The following RBM17 variants were observed in gnomAD, a reference collection of about 807,000 sequenced individuals.
RBM17 encodes RNA binding motif protein 17.
In RBM17, 7 loss-of-function variants were observed where a neutral mutation model predicts 53.2. That is an observed-to-expected ratio of 0.13 (90% CI 0.07 to 0.25). The LOEUF is 0.25. Ranked by LOEUF, RBM17 falls within the 10% of genes least tolerant of loss-of-function variation. RBM17 has a pLI of 1.00. For missense variants in RBM17, 257 were observed against 496.7 expected (o/e 0.52, Z 4.59); for synonymous variants, 167 against 178.1 (o/e 0.94, Z 0.50).
chr10:6,110,444 T>C (rs1840820648), intron 7 of RBM17, among the ~76,000 whole-genome samples: 1 of 152,248 alleles, frequency 6.6e-6, no homozygotes, highest in Non-Finnish European at 1.5e-5. Flanking sequence ...GAATCAGAGC[T>C]GACTTACTGT....
intron 5 of RBM17, among the ~76,000 whole-genome samples, chr10:6,106,853 A>G (rs1840756320): frequency 1.3e-5 from 2 of 152,180 alleles, no homozygotes; most frequent in Non-Finnish European, 2.9e-5. Context: ...AGCTCATGAT[A>G]GGGAGGTAGT....
intron 6 of RBM17, among the ~76,000 whole-genome samples, chr10:6,109,638 C>T (rs1057143420): frequency 2.0e-5 from 3 of 152,140 alleles, no homozygotes; most frequent in Non-Finnish European, 2.9e-5. Flanking sequence ...CTGCAGGAGT[C>T]AAAAGATGGC....
intron 2 of RBM17, among the ~76,000 whole-genome samples, chr10:6,100,179 T>A (rs1840650505): frequency 6.6e-6 from 1 of 152,268 alleles, no homozygotes; most frequent in African/African-American, 2.4e-5. Context: ...TATTGTTATA[T>A]TCAAGAGAGA....
chr10:6,099,150 A>C (rs1840630846), intron 2 of RBM17, among the ~76,000 whole-genome samples: 1 of 150,890 alleles, frequency 6.6e-6, no homozygotes, highest in South Asian at 2.1e-4. Flanking sequence ...TTTGCTTTGC[A>C]GGGAAGATGC....
chr10:6,096,905 A>T, intron 1 of RBM17, 143 bp from the exon 2 acceptor site: 1 of 606,924 alleles, frequency 1.6e-6, no homozygotes, highest in Non-Finnish European at 2.9e-6. Context: ...GAATAGCCCT[A>T]CATTAATGGT....
chr10:6,095,156 G>T, intron 1 of RBM17, among the ~76,000 whole-genome samples: 1 of 152,092 alleles, frequency 6.6e-6, no homozygotes, highest in East Asian at 1.9e-4. Flanking sequence ...GGTCAGTTTT[G>T]CACTGAAGAC....
At chr10:6,095,869 GAAGT>G (rs910997394) in intron 1 of RBM17, among the ~76,000 whole-genome samples, 17 of 152,152 alleles carry the variant, frequency 1.1e-4, no homozygotes, top group Non-Finnish European at 1.8e-4. Context: ...GGGGAGCTGA[GAAGT>G]AAGAGTACCT....
At chr10:6,109,219 G>C (rs561506050) in intron 6 of RBM17, among the ~76,000 whole-genome samples, 1 of 151,972 alleles carries the variant, frequency 6.6e-6, no homozygotes, top group Non-Finnish European at 1.5e-5. Flanking sequence ...GTTCCTTCTC[G>C]CAGTGATCTG....
Position 6,112,726 on chromosome 10 carries a change from T to C in RBM17, c.856+365T>C. 6.5e-6 allele frequency: 2 copies of C among 306,742 alleles called. No individual in the cohort carries two copies. The highest frequency in any genetic ancestry group is 6.3e-5 in the South Asian group (2 of 31,932). 19.0% of individuals were successfully genotyped at this position (306,742 alleles called of 1,614,324 possible). On this transcript the variant is annotated intron_variant, in intron 8 of 11. Transcript: ENST00000379888. The surrounding 1 kb of genome is among the most constrained non-coding windows in gnomAD (Gnocchi z 4.4). ...CAGAGCCATATAGTGTGGCAGTGAA[T>C]ATACCTGCTATCTCCATCTCAGAGG...
intron 3 of RBM17, 118 bp downstream of exon 3, chr10:6,101,505 A>G (rs1053571510): frequency 4.3e-6 from 2 of 467,570 alleles, no homozygotes; most frequent in African/African-American, 4.0e-5. Flanking sequence ...CCAAGTTAGT[A>G]TCATTTTCCA....
At chr10:6,097,250 C>T in intron 2 of RBM17, 62 bp downstream of exon 2, 1 of 1,561,126 alleles carries the variant, frequency 6.4e-7, no homozygotes, top group Non-Finnish European at 8.7e-7. Flanking sequence ...ATTAGGATGA[C>T]AAGGAATTTG....
rs143035403 is a variant in RBM17, at chr10:6,091,999, T to A, written c.-19+2806T>A. On this transcript the variant is annotated intron_variant, in intron 1 of 11. Transcript: ENST00000379888. ...ATGTTTTAAAAAAATACTTTCCAGC[T>A]TGGGTGGAATCTTGAAAACTCACCA... 2.4e-4 allele frequency among the ~76,000 whole-genome samples: 37 copies of A among 152,304 alleles called. No individual in the cohort carries two copies. In the East Asian group the frequency reaches 5.0e-3, roughly 21 times the overall value.
chr10:6,101,196 G>T, intron 2 of RBM17, 75 bp from the exon 3 acceptor site: 1 of 895,722 alleles, frequency 1.1e-6, no homozygotes, highest in South Asian at 1.9e-5. Context: ...GGACCAGAAA[G>T]AAAATCTTTG....
At chr10:6,095,862 G>A (rs1291241169) in intron 1 of RBM17, among the ~76,000 whole-genome samples, 1 of 152,162 alleles carries the variant, frequency 6.6e-6, no homozygotes, top group African/African-American at 2.4e-5. Context: ...TGTAATGGGG[G>A]AGCTGAGAAG....
Position 6,105,111 on chromosome 10 carries a change from T to A in RBM17, c.407+14T>A, listed in dbSNP as rs1316370966. 1.2e-6 allele frequency: 2 copies of A among 1,609,624 alleles called. No individual in the cohort carries two copies. Among genetic ancestry groups the A allele is most frequent in the Non-Finnish European group, 1.7e-6 (2 of 1,176,874 alleles). On this transcript the variant is annotated intron_variant, in intron 4 of 11. Transcript: ENST00000379888. ...AGAAAGGGAAAAGTAAGGCTTCCTT[T>A]GGATTTGGGGATATTTTACAGTTGA...
At position 6,112,485 on chromosome 10, in the gene RBM17, G is replaced by C. The variant is rs1435822083; in HGVS notation, c.856+124G>C. The C allele has an allele frequency of 4.3e-6, 5 of 1,169,276 alleles. No homozygotes were observed. In the African/African-American group the frequency reaches 7.6e-5, roughly 18 times the overall value. The allele number at this position is 1,169,276 out of a possible 1,614,324, so 72.4% of individuals were successfully genotyped here. Reference sequence around the variant, plus strand: ...TGAGGCGTGTGGCCAGAGGGAGAGGGCTGGCCCTGCCATCACTAGAACACA... The same window carrying C: ...TGAGGCGTGTGGCCAGAGGGAGAGGCCTGGCCCTGCCATCACTAGAACACA... On this transcript the variant is annotated intron_variant, in intron 8 of 11. Transcript: ENST00000379888. The surrounding 1 kb of genome is among the most constrained non-coding windows in gnomAD (Gnocchi z 4.4).
chr10:6,105,056 G>A lies in RBM17; in HGVS notation c.366G>A (p.Gln122=), dbSNP rs768480966. ...VKRQREERQR[Q]RELERQKEIE... ...GCCAAAGAGAGGAACGACAGAGACA[G>A]CGGGAGCTGGAAAGACAAAAGGAAA... Residue 122 remains glutamine, a synonymous_variant, in exon 4 of 12, where the codon CAG becomes CAA. Coordinates refer to ENST00000379888, the MANE Select transcript of RBM17 (RefSeq NM_032905.5). 2.5e-6 allele frequency: 4 copies of A among 1,613,990 alleles called. No individual in the cohort carries two copies. The Admixed American group carries it at 6.7e-5, about 27-fold the overall frequency.
Position 6,112,364 on chromosome 10 carries a change from G to T in RBM17, c.856+3G>T. The T allele has an allele frequency of 6.2e-7, 1 of 1,613,900 alleles. No individual in the cohort carries two copies. Among genetic ancestry groups the T allele is most frequent in the Non-Finnish European group, 8.5e-7 (1 of 1,179,954 alleles). The stretch of plus-strand genomic sequence containing the variant: ...CGTGGGCGACGCCACAGAGAAAGGT[G>T]TGTCCCCAGGGAAGCGTGTGACTAG... On this transcript the variant is annotated splice_donor_region_variant and intron_variant, in intron 8 of 11. Coordinates refer to ENST00000379888, the MANE Select transcript of RBM17 (RefSeq NM_032905.5). The surrounding 1 kb of genome is among the most constrained non-coding windows in gnomAD (Gnocchi z 4.4).
In RBM17 at chr10:6,112,337, A is replaced by G; in HGVS notation, c.832A>G (p.Ile278Val). The change falls in exon 8 of 12, where the codon ATC becomes GTC. Residue 278 changes from isoleucine (I) to valine (V), a missense_variant. This residue lies in a region of RBM17 where 49 missense variants were observed against 114.8 expected (regional missense o/e 0.43). Coordinates refer to ENST00000379888, the MANE Select transcript of RBM17 (RefSeq NM_032905.5). This position sits in a 1 kb window ranked among gnomAD's most constrained non-coding sequence, Gnocchi z 4.4. Reference protein sequence around the residue: ...EKTSKRGGKIIVGDATEKDAS... With the variant: ...EKTSKRGGKIVVGDATEKDAS... ...GACCAGCAAGCGTGGCGGCAAGATCATCGTGGGCGACGCCACAGAGAAAGG... is the reference window on the plus strand; with the variant it reads ...GACCAGCAAGCGTGGCGGCAAGATCGTCGTGGGCGACGCCACAGAGAAAGG... 1 of 1,614,014 alleles carries G rather than the reference A, an allele frequency of 6.2e-7. No individual in the cohort carries two copies. Among genetic ancestry groups the G allele is most frequent in the Non-Finnish European group, 8.5e-7 (1 of 1,179,994 alleles).
Sources: allele counts gnomAD v4.1 joint callset (sites outside exome capture counted in the v4.1 genomes callset), GRCh38; gene constraint gnomAD v4.1.1; regional missense constraint gnomAD v4.1.1; non-coding constraint Gnocchi (gnomAD v3.1); transcripts MANE v1.5; gene names NCBI Gene and HGNC (gene_info 2026-07-23, HGNC 2026-07-21).